Variants in GATAD2A observed in about 807,000 individuals in gnomAD.
The protein encoded by GATAD2A is transcriptional repressor p66-alpha.
GATAD2A carries 12 observed loss-of-function variants against 68.5 expected under a neutral mutation model. That is an observed-to-expected ratio of 0.18 (90% CI 0.11 to 0.28). The LOEUF (loss-of-function observed/expected upper bound fraction) is 0.28. Ranked by LOEUF, GATAD2A falls within the 10% of genes least tolerant of loss-of-function variation. The pLI is 1.00. For synonymous variants in GATAD2A, 410 were observed against 375.3 expected (o/e 1.09, Z -1.07); for missense variants, 755 against 868.5 (o/e 0.87, Z 1.64).
In GATAD2A at chr19:19,501,025, C is replaced by T. The variant is rs146049255; in HGVS notation, c.1205-93C>T. ...CATTTGCAGAACGGACAGACTGTGG[C>T]GACTGAGACTCCAGCATCCTGGGCT... On this transcript the variant is annotated intron_variant, in intron 8 of 11. Coordinates refer to ENST00000683918, the MANE Select transcript of GATAD2A (RefSeq NM_001384528.1). 8.9e-4 allele frequency: 1,001 copies of T among 1,129,738 alleles called. 4 individuals are homozygous for T. The East Asian group carries it at 9.9e-3, about 11-fold the overall frequency. 70.0% of individuals were successfully genotyped at this position (1,129,738 alleles called of 1,614,324 possible). A position where few individuals can be genotyped will look rare whatever the true frequency, so the allele number is the denominator to read the frequency against.
intron 2 of GATAD2A, chr19:19,474,065 AG>A: frequency 1.3e-5 from 13 of 984,794 alleles, no homozygotes; most frequent in Non-Finnish European, 1.6e-5. Flanking sequence ...AGAACGTGGG[AG>A]TGTGGACGGC....
In GATAD2A at chr19:19,411,686, T is replaced by C. The variant is rs139786943; in HGVS notation, c.-7+5667T>C. Among the ~76,000 whole-genome samples, 802 of 152,174 alleles carry C rather than the reference T, an allele frequency of 5.3e-3. 6 individuals are homozygous for C. The highest frequency in any genetic ancestry group is 0.041 in the South Asian group (197 of 4,814). On this transcript the variant is annotated intron_variant, in intron 1 of 11. Coordinates refer to ENST00000683918, the MANE Select transcript of GATAD2A (RefSeq NM_001384528.1). ...CACCTGGCCTCAGCTTTCTCTTATG[T>C]TGGCGGAGACAGCATCTTTGACCTA...
chr19:19,476,530 C>T (rs2058688224), intron 2 of GATAD2A, among the ~76,000 whole-genome samples: 2 of 152,246 alleles, frequency 1.3e-5, no homozygotes, highest in Admixed American at 1.3e-4. Flanking sequence ...TGTTGCTTTT[C>T]AGTCTGCAGC....
At chr19:19,437,253 C>T (rs1008622394) in intron 1 of GATAD2A, among the ~76,000 whole-genome samples, 1 of 152,154 alleles carries the variant, frequency 6.6e-6, no homozygotes, top group Non-Finnish European at 1.5e-5. Flanking sequence ...GCCTCAGGCT[C>T]CTGAATAGCT....
At chr19:19,445,124 A>G (rs967097986) in intron 1 of GATAD2A, among the ~76,000 whole-genome samples, 1 of 152,074 alleles carries the variant, frequency 6.6e-6, no homozygotes, top group South Asian at 2.1e-4. Context: ...CCATGTGTAC[A>G]GTGGGCTTGC....
At position 19,508,190 on chromosome 19, in the gene GATAD2A, C is replaced by T. The variant is rs150063568; in HGVS notation, c.*2716C>T. On this transcript the variant is annotated 3_prime_UTR_variant, in exon 12 of 12. Coordinates refer to ENST00000683918, the MANE Select transcript of GATAD2A (RefSeq NM_001384528.1). ...TGGAAACGGTTCCCTCTGTCAGCTG[C>T]TCTGTAGACAGGGCTGGGGAGATCT... 5.1e-3 allele frequency: 780 copies of T among 152,380 alleles called. 3 individuals carry two copies. The highest frequency in any genetic ancestry group is 7.2e-3 in the Non-Finnish European group (493 of 68,066). 9.4% of individuals were successfully genotyped at this position (152,380 alleles called of 1,614,324 possible). A position where few individuals can be genotyped will look rare whatever the true frequency, so the allele number is the denominator to read the frequency against.
chr19:19,473,084 C>T (rs2058430551), intron 2 of GATAD2A, among the ~76,000 whole-genome samples: 1 of 152,176 alleles, frequency 6.6e-6, no homozygotes. Flanking sequence ...ATGGATTGGG[C>T]AGACTTCAAC....
chr19:19,439,473 C>G (rs538163000), intron 1 of GATAD2A, among the ~76,000 whole-genome samples: 1 of 152,158 alleles, frequency 6.6e-6, no homozygotes, highest in African/African-American at 2.4e-5. Context: ...AGACACTGTT[C>G]TAGTGATGGG....
At chr19:19,468,115 T>G (rs550722384) in intron 2 of GATAD2A, among the ~76,000 whole-genome samples, 34 of 152,398 alleles carry the variant, frequency 2.2e-4, no homozygotes, top group African/African-American at 7.7e-4. Context: ...GAGAAGTATT[T>G]ATGCCTGTAA....
chr19:19,470,946 A>T (rs1444591937), intron 2 of GATAD2A, among the ~76,000 whole-genome samples: 2 of 152,184 alleles, frequency 1.3e-5, no homozygotes, highest in Non-Finnish European at 2.9e-5. Flanking sequence ...CAGCAGCATG[A>T]TTCATACTGG....
chr19:19,426,881 C>T (rs2053157917), intron 1 of GATAD2A, among the ~76,000 whole-genome samples: 1 of 152,206 alleles, frequency 6.6e-6, no homozygotes, highest in Admixed American at 6.5e-5. Flanking sequence ...TGAAGCATGT[C>T]AGTGGCATGG....
At chr19:19,496,974 G>A (rs753904383) in intron 7 of GATAD2A, among the ~76,000 whole-genome samples, 1 of 152,254 alleles carries the variant, frequency 6.6e-6, no homozygotes, top group Non-Finnish European at 1.5e-5. Context: ...AGGTTCGAGT[G>A]CAGAGAAGAT....
At chr19:19,502,112 C>CT (rs2060569877) in intron 10 of GATAD2A, 69 bp downstream of exon 10, 1 of 1,142,430 alleles carries the variant, frequency 8.8e-7, no homozygotes, top group Non-Finnish European at 1.3e-6. Context: ...CAGTCGCCGA[C>CT]TGTCACGCTG....
intron 2 of GATAD2A, among the ~76,000 whole-genome samples, chr19:19,477,817 T>TC (rs996904084): frequency 1.8e-4 from 27 of 152,148 alleles, no homozygotes; most frequent in Admixed American, 5.2e-4. Flanking sequence ...AGACCAGCAG[T>TC]CTAGGGGCAG....
chr19:19,485,992 G>A (rs1271402170), intron 2 of GATAD2A, among the ~76,000 whole-genome samples: 2 of 152,202 alleles, frequency 1.3e-5, no homozygotes, highest in African/African-American at 4.8e-5. Context: ...GCTGCCCACC[G>A]TGCAAGGGGG....
chr19:19,443,457 A>G (rs530016525), intron 1 of GATAD2A, among the ~76,000 whole-genome samples: 23 of 152,180 alleles, frequency 1.5e-4, no homozygotes, highest in Non-Finnish European at 2.6e-4. Context: ...GACTCCAACA[A>G]AGACGGAAGA....
At chr19:19,400,886 G>T (rs1040061949), upstream of GATAD2A, among the ~76,000 whole-genome samples, 4 of 152,108 alleles carry the variant, frequency 2.6e-5, no homozygotes, top group African/African-American at 9.7e-5. Flanking sequence ...GGTGGCTCCT[G>T]CCTGTAATCC....
At chr19:19,476,693 C>T (rs1162023877) in intron 2 of GATAD2A, among the ~76,000 whole-genome samples, 1 of 152,168 alleles carries the variant, frequency 6.6e-6, no homozygotes, top group African/African-American at 2.4e-5. Context: ...GGGCGCCAGG[C>T]CTTGGGGGTC....
rs2060912112 is a variant in GATAD2A, at chr19:19,507,423, C to T, written c.*1949C>T. ...CCAGAAGGAGCACCCAGGCTGGCTT[C>T]TTCCCACTGAAAGCCCTCCCCAGCG... is the stretch of plus-strand genomic sequence containing the variant. On this transcript the variant is annotated 3_prime_UTR_variant, in exon 12 of 12. Coordinates refer to ENST00000683918, the MANE Select transcript of GATAD2A (RefSeq NM_001384528.1). 6.6e-6 allele frequency: 1 copy of T among 152,260 alleles called. No individual in the cohort carries two copies. The highest frequency in any genetic ancestry group is 6.5e-5 in the Admixed American group (1 of 15,284). 9.4% of individuals were successfully genotyped at this position (152,260 alleles called of 1,614,324 possible).
Sources: gnomAD v4.1 joint callset for allele counts (sites outside exome capture counted in the v4.1 genomes callset) on GRCh38, gnomAD v4.1.1 for gene constraint, MANE v1.5 for transcripts, NCBI Gene and HGNC (gene_info 2026-07-23, HGNC 2026-07-21) for gene names.